RLN2: variants seen among roughly 807,000 people sequenced by gnomAD.
RLN2 encodes the protein relaxin 2.
A neutral mutation model predicts 7.3 loss-of-function variants in RLN2; 10 were observed. That is an observed-to-expected ratio of 1.36 (90% confidence interval 0.84 to 2.31). RLN2 has a LOEUF of 2.31. Among genes scored for constraint, RLN2 ranks in the 30% most tolerant of loss-of-function variants. The pLI is 0.00. For synonymous variants in RLN2, 103 were observed against 82.3 expected (o/e 1.25, Z -1.36); for missense variants, 298 against 217.6 (o/e 1.37, Z -2.32).
At chr9:5,326,885 T>C in the RLN2 span, among the ~76,000 whole-genome samples, 9 of 151,952 alleles carry the variant, frequency 5.9e-5, no homozygotes, top group East Asian at 1.5e-3. Flanking sequence ...ATAACAGAAA[T>C]GAGGAAGGGG....
At chr9:5,310,313 G>C in the RLN2 span, among the ~76,000 whole-genome samples, 3 of 151,924 alleles carry the variant, frequency 2.0e-5, no homozygotes, top group Non-Finnish European at 2.9e-5. Context: ...CGAGATTCTT[G>C]TGTGTGAAGC....
the RLN2 span, chr9:5,311,495 G>T: frequency 1.4e-6 from 1 of 691,024 alleles, no homozygotes; most frequent in South Asian, 1.5e-5. Context: ...AAGTCACGAT[G>T]AAGGATGAAC....
At chr9:5,339,325 C>T in the RLN2 span, 1 of 454,634 alleles carries the variant, frequency 2.2e-6, no homozygotes, top group Non-Finnish European at 3.7e-6. Context: ...TCCCTCCGTC[C>T]GGTGAGATTC....
rs1414169493 is a variant in RLN2 at position 5,300,205 on chromosome 9, A to T, written c.451T>A (p.Leu151Ile). 1 of 1,614,054 alleles carries T rather than the reference A, an allele frequency of 6.2e-7. No homozygotes were observed. Among genetic ancestry groups the T allele is most frequent in the Non-Finnish European group, 8.5e-7 (1 of 1,179,910 alleles). Residue 151 changes from leucine to isoleucine, a missense_variant, in exon 2 of 2, where the codon TTA becomes ATA. Coordinates refer to ENST00000381627, the MANE Select transcript of RLN2 (RefSeq NM_134441.3). ...ADSSPSELKYLGLDTHSRKKR... is the reference protein window; with the variant it reads ...ADSSPSELKYIGLDTHSRKKR... ...TTTCGAGAATGAGTATCCAAGCCTAAGTATTTTAATTCTGAAGGACTGCTG... is the reference window on the plus strand; with the variant it reads ...TTTCGAGAATGAGTATCCAAGCCTATGTATTTTAATTCTGAAGGACTGCTG...
the RLN2 span, among the ~76,000 whole-genome samples, chr9:5,325,512 T>C: frequency 3.9e-5 from 6 of 152,208 alleles, no homozygotes; most frequent in African/African-American, 1.4e-4. Flanking sequence ...ATTAAGATTG[T>C]TAACCTCTAG....
the RLN2 span, chr9:5,311,765 GA>G: frequency 4.3e-4 from 339 of 789,790 alleles, 2 homozygotes; most frequent in African/African-American, 5.1e-3. Context: ...TGTAGAGTTT[GA>G]AATATGATTT....
chr9:5,337,581 T>C, the RLN2 span, among the ~76,000 whole-genome samples: 1 of 151,988 alleles, frequency 6.6e-6, no homozygotes, highest in Non-Finnish European at 1.5e-5. Context: ...TATCTAACAG[T>C]GTAATAACGT....
At chr9:5,306,115 T>A (rs564330540), upstream of RLN2, among the ~76,000 whole-genome samples, 1 of 150,110 alleles carries the variant, frequency 6.7e-6, no homozygotes, top group East Asian at 1.9e-4. Flanking sequence ...TTTTGTTTTT[T>A]TTTTTTTTTT....
At chr9:5,336,143 A>T in the RLN2 span, among the ~76,000 whole-genome samples, 1 of 152,094 alleles carries the variant, frequency 6.6e-6, no homozygotes, top group South Asian at 2.1e-4. Flanking sequence ...AATCAGCAGG[A>T]GAAGGAAATC....
chr9:5,329,048 A>C, the RLN2 span, among the ~76,000 whole-genome samples: 2 of 151,946 alleles, frequency 1.3e-5, no homozygotes, highest in African/African-American at 2.4e-5. Flanking sequence ...TCACGCCTGT[A>C]ATCCCAACAC....
chr9:5,319,066 T>G, the RLN2 span, among the ~76,000 whole-genome samples: 468 of 151,972 alleles, frequency 3.1e-3, 7 homozygotes, highest in Middle Eastern at 6.8e-3. Context: ...AATGACCATC[T>G]CCCTAGCCCA....
At chr9:5,337,061 C>A in the RLN2 span, among the ~76,000 whole-genome samples, 1 of 152,070 alleles carries the variant, frequency 6.6e-6, no homozygotes, top group African/African-American at 2.4e-5. Flanking sequence ...TCTCGCTCAT[C>A]CACATTCTAA....
the RLN2 span, among the ~76,000 whole-genome samples, chr9:5,319,276 C>A: frequency 1.3e-5 from 2 of 151,904 alleles, no homozygotes; most frequent in African/African-American, 4.8e-5. Context: ...TACATGACTT[C>A]CTGATGAACT....
At chr9:5,307,781 T>C (rs569429501), upstream of RLN2, among the ~76,000 whole-genome samples, 2 of 152,182 alleles carry the variant, frequency 1.3e-5, no homozygotes, top group African/African-American at 4.8e-5. Context: ...CAGCCCCATA[T>C]TGAATTCCTT....
upstream of RLN2, among the ~76,000 whole-genome samples, chr9:5,308,070 G>A (rs999479560): frequency 6.6e-6 from 1 of 151,330 alleles, no homozygotes; most frequent in African/African-American, 2.4e-5. Context: ...ATTTCATTGA[G>A]ATTTGGAGAA....
the RLN2 span, among the ~76,000 whole-genome samples, chr9:5,324,728 G>T: frequency 1.3e-5 from 2 of 151,990 alleles, no homozygotes; most frequent in Non-Finnish European, 2.9e-5. Context: ...ACGCAACCTT[G>T]CCTTTTCACC....
At chr9:5,312,437 C>T in the RLN2 span, among the ~76,000 whole-genome samples, 1 of 152,008 alleles carries the variant, frequency 6.6e-6, no homozygotes, top group Non-Finnish European at 1.5e-5. Flanking sequence ...ATAAATTCTG[C>T]CATTTTCTTT....
intron 1 of RLN2, among the ~76,000 whole-genome samples, chr9:5,301,420 G>C (rs900793446): frequency 6.6e-6 from 1 of 152,146 alleles, no homozygotes; most frequent in Non-Finnish European, 1.5e-5. Context: ...TTATTTAAAT[G>C]TTTCTTGCTC....
At chr9:5,302,151 GTATTT>G in intron 1 of RLN2, among the ~76,000 whole-genome samples, 1 of 152,206 alleles carries the variant, frequency 6.6e-6, no homozygotes, top group Middle Eastern at 3.4e-3. Context: ...CATAGGCTGT[GTATTT>G]TATACTTTTA....
Sources: allele counts gnomAD v4.1 joint callset (sites outside exome capture counted in the v4.1 genomes callset), GRCh38; gene constraint gnomAD v4.1.1; transcripts MANE v1.5; gene names NCBI Gene and HGNC (gene_info 2026-07-23, HGNC 2026-07-21).